Variants in TENM3 observed in about 807,000 individuals in gnomAD.
The protein encoded by TENM3 is teneurin-3.
In TENM3, 63 loss-of-function variants were observed where a neutral mutation model predicts 255.1. The ratio of observed to expected loss-of-function variants is 0.25; its 90% CI spans 0.20 to 0.30. The LOEUF is 0.30. Ranked by LOEUF, TENM3 falls within the 10% of genes least tolerant of loss-of-function variation. The pLI is 1.00. For synonymous variants in TENM3, 1,306 were observed against 1,322.3 expected (o/e 0.99, Z 0.27); for missense variants, 2,929 against 3,461.1 (o/e 0.85, Z 3.86).
intron 4 of TENM3, among the ~76,000 whole-genome samples, chr4:182,616,570 A>G (rs1159978086): frequency 1.6e-5 from 2 of 127,988 alleles, no homozygotes; most frequent in Non-Finnish European, 3.3e-5. Context: ...CCTGGCTAAC[A>G]CAGTGAAAAA....
At chr4:181,821,218 C>T in the TENM3 span, among the ~76,000 whole-genome samples, 4 of 152,120 alleles carry the variant, frequency 2.6e-5, no homozygotes, top group African/African-American at 4.8e-5. Flanking sequence ...CTTTCCTCAC[C>T]GCATCTCAGT....
chr4:182,729,626 A>C (rs1008487866), intron 14 of TENM3, among the ~76,000 whole-genome samples: 1 of 152,228 alleles, frequency 6.6e-6, no homozygotes, highest in African/African-American at 2.4e-5. Context: ...TTTGCAGAGC[A>C]GTAATGACCT....
At chr4:181,511,487 C>T in the TENM3 span, among the ~76,000 whole-genome samples, 1 of 152,090 alleles carries the variant, frequency 6.6e-6, no homozygotes, top group African/African-American at 2.4e-5. Flanking sequence ...TCACTTCTTC[C>T]TTTCCCTCCC....
the TENM3 span, among the ~76,000 whole-genome samples, chr4:181,588,631 A>T: frequency 6.6e-6 from 1 of 152,198 alleles, no homozygotes; most frequent in Non-Finnish European, 1.5e-5. Flanking sequence ...TAACTATGGG[A>T]TATTAATAGC....
chr4:182,406,261 C>T (rs180720271), intron 3 of TENM3, among the ~76,000 whole-genome samples: 60 of 151,712 alleles, frequency 4.0e-4, no homozygotes, highest in East Asian at 3.5e-3. Context: ...GCCAAGATTG[C>T]GCCACTGCAC....
At chr4:182,791,419 T>G (rs1331911769) in intron 25 of TENM3, among the ~76,000 whole-genome samples, 1 of 152,202 alleles carries the variant, frequency 6.6e-6, no homozygotes, top group Non-Finnish European at 1.5e-5. Flanking sequence ...TGGGATGACC[T>G]TCTCTCACAT....
the TENM3 span, among the ~76,000 whole-genome samples, chr4:182,022,675 C>A: frequency 6.6e-6 from 1 of 152,010 alleles, no homozygotes; most frequent in Non-Finnish European, 1.5e-5. Context: ...CGTAATTTTC[C>A]CAATTTATTT....
At chr4:181,866,034 A>T in the TENM3 span, among the ~76,000 whole-genome samples, 1 of 152,178 alleles carries the variant, frequency 6.6e-6, no homozygotes, top group Admixed American at 6.5e-5. Flanking sequence ...TTTTCTAAAT[A>T]TTTGCAAGGG....
In TENM3 at chr4:182,714,072, T is replaced by C. The variant is rs934580730; in HGVS notation, c.2222-15T>C. ...ATACTCAAATCACTGGTGTTTTCCT[T>C]CTTTGTCTCGACAGAGGGTTGTCCT... On this transcript the variant is annotated splice_polypyrimidine_tract_variant and intron_variant, in intron 12 of 27. Coordinates refer to ENST00000511685, the MANE Select transcript of TENM3 (RefSeq NM_001080477.4). The C allele has an allele frequency of 2.5e-6, 4 of 1,610,822 alleles. No individual in the cohort carries two copies. In the African/African-American group the frequency reaches 5.4e-5, roughly 22 times the overall value.
chr4:181,539,178 G>A, the TENM3 span, among the ~76,000 whole-genome samples: 1 of 152,122 alleles, frequency 6.6e-6, no homozygotes, highest in South Asian at 2.1e-4. Flanking sequence ...AGCATTGGAA[G>A]AACCAACCAA....
chr4:181,659,622 G>T, the TENM3 span, among the ~76,000 whole-genome samples: 2 of 152,168 alleles, frequency 1.3e-5, no homozygotes, highest in African/African-American at 4.8e-5. Context: ...TCTTCTAACA[G>T]CAGCCTGTTC....
chr4:182,268,685 A>T (rs1214855531), intron 1 of TENM3, among the ~76,000 whole-genome samples: 2 of 152,166 alleles, frequency 1.3e-5, no homozygotes, highest in Non-Finnish European at 2.9e-5. Flanking sequence ...CAAGATGATG[A>T]CAAGAGTGAC....
the TENM3 span, among the ~76,000 whole-genome samples, chr4:181,467,119 A>ATTTTTTT: frequency 1.8e-5 from 1 of 56,298 alleles, no homozygotes; most frequent in Admixed American, 1.7e-4. Flanking sequence ...ATATATATAT[A>ATTTTTTT]TATATATTTT....
intron 12 of TENM3, among the ~76,000 whole-genome samples, chr4:182,711,262 A>G (rs1319776775): frequency 6.6e-6 from 1 of 152,154 alleles, no homozygotes; most frequent in Non-Finnish European, 1.5e-5. Flanking sequence ...AATTGATTCC[A>G]TTTGTTCTGC....
intron 15 of TENM3, among the ~76,000 whole-genome samples, chr4:182,730,673 A>T (rs554938577): frequency 3.9e-5 from 6 of 152,342 alleles, no homozygotes; most frequent in South Asian, 4.1e-4. Context: ...GGAAAAAAAA[A>T]TTGGTGAACT....
chr4:181,897,383 G>T, the TENM3 span, among the ~76,000 whole-genome samples: 1 of 152,170 alleles, frequency 6.6e-6, no homozygotes, highest in African/African-American at 2.4e-5. Context: ...TTAGTCAAAA[G>T]AAGAGCTCCT....
chr4:182,629,144 T>C (rs1751109600), intron 5 of TENM3, among the ~76,000 whole-genome samples: 1 of 152,186 alleles, frequency 6.6e-6, no homozygotes, highest in Admixed American at 6.5e-5. Flanking sequence ...TGTGTTTGAC[T>C]TATCCCTTGT....
chr4:182,247,211 G>A (rs940476993), intron 1 of TENM3, among the ~76,000 whole-genome samples: 2 of 152,224 alleles, frequency 1.3e-5, no homozygotes, highest in African/African-American at 2.4e-5. Flanking sequence ...AGGTGCTGCA[G>A]CAAGAAATTG....
chr4:181,787,869 T>C, the TENM3 span, among the ~76,000 whole-genome samples: 2 of 152,142 alleles, frequency 1.3e-5, no homozygotes, highest in Non-Finnish European at 2.9e-5. Context: ...AGCGTGGTAG[T>C]GGGCAACTGT....
Sources: gnomAD v4.1 joint callset for allele counts (sites outside exome capture counted in the v4.1 genomes callset) on GRCh38, gnomAD v4.1.1 for gene constraint, MANE v1.5 for transcripts, NCBI Gene and HGNC (gene_info 2026-07-23, HGNC 2026-07-21) for gene names.